RAPGEF2: variants seen among roughly 807,000 people sequenced by gnomAD.
The protein encoded by RAPGEF2 is Rap guanine nucleotide exchange factor 2.
A neutral mutation model predicts 186.7 loss-of-function variants in RAPGEF2; 54 were observed. That is an observed-to-expected ratio of 0.29 (90% CI 0.23 to 0.36). RAPGEF2 has a LOEUF of 0.36. RAPGEF2 is among the 10% of genes least tolerant of loss of function. The pLI, the probability that RAPGEF2 is intolerant of heterozygous loss-of-function variation, is 1.00. For synonymous variants in RAPGEF2, 712 were observed against 705.9 expected, an observed-to-expected ratio of 1.01 and a Z score of -0.14; for missense variants, 1,532 against 2,045.0, an observed-to-expected ratio of 0.75 and a Z score of 4.84.
intron 11 of RAPGEF2, among the ~76,000 whole-genome samples, chr4:159,324,824 A>T (rs760095743): frequency 3.0e-4 from 45 of 152,180 alleles, no homozygotes; most frequent in Non-Finnish European, 1.3e-4. Flanking sequence ...TATTACAGAG[A>T]AATACATTTA....
chr4:159,217,347 C>A (rs1561097483), intron 4 of RAPGEF2, among the ~76,000 whole-genome samples: 2 of 152,118 alleles, frequency 1.3e-5, no homozygotes, highest in Non-Finnish European at 2.9e-5. Flanking sequence ...TTGTAGTCCC[C>A]AGTGTTTGTT....
In RAPGEF2 at chr4:159,188,884, C is replaced by T. The variant is rs542314586; in HGVS notation, c.140+2172C>T. Among the ~76,000 whole-genome samples the T allele has an allele frequency of 5.9e-5, 9 of 152,070 alleles. No homozygotes were observed. The South Asian group carries it at 8.3e-4, about 14-fold the overall frequency. Reference sequence around the variant, plus strand: ...TGTTTGTTGGCATGAACCTACAGGGCGGAGCCTGTGAGATGTTTATCTTAT... The same window carrying T: ...TGTTTGTTGGCATGAACCTACAGGGTGGAGCCTGTGAGATGTTTATCTTAT... On this transcript the variant is annotated intron_variant, in intron 2 of 29. Transcript: ENST00000691494.
At chr4:159,314,481 A>G in intron 8 of RAPGEF2, 110 bp from the exon 9 acceptor site, 2 of 1,041,678 alleles carry the variant, frequency 1.9e-6, no homozygotes, top group South Asian at 2.0e-5. Flanking sequence ...TGTTGGATGG[A>G]AAAATAAATA....
rs1306491404 is a variant in RAPGEF2 at position 159,198,306 on chromosome 4, CTT to C, written c.197+5052_197+5053del. Among the ~76,000 whole-genome samples the C allele has an allele frequency of 5.0e-3, 337 of 67,074 alleles. 19 individuals carry two copies. The highest frequency in any genetic ancestry group is 0.028 in the African/African-American group (215 of 7,666). The allele number at this position is 67,074 out of a possible 152,430, so 44.0% of individuals were successfully genotyped here. A position where few individuals can be genotyped will look rare whatever the true frequency, so the allele number is the denominator to read the frequency against. On this transcript the variant is annotated intron_variant, in intron 3 of 29. Coordinates refer to ENST00000691494, the MANE Select transcript of RAPGEF2 (RefSeq NM_001394067.2). ...TCTTTCTTTCTTTCTTTCTTTCTTT[CTT>C]TCTTTCTTTCTTTCTTTCTTTCTTT...
intron 1 of RAPGEF2, among the ~76,000 whole-genome samples, chr4:159,141,533 T>C (rs986605869): frequency 1.3e-5 from 2 of 152,036 alleles, no homozygotes; most frequent in Non-Finnish European, 2.9e-5. Flanking sequence ...TTTTTGTGAG[T>C]AGATGCATAG....
At position 159,198,400 on chromosome 4, in the gene RAPGEF2, CT is replaced by C. The variant is rs1484017614; in HGVS notation, c.197+5145del. ...CTTTCCTTCCTTCCTTCCTTCCTCT[CT>C]CTTCCTCTCTTCCTCTCTCTCTCTC... On this transcript the variant is annotated intron_variant, in intron 3 of 29. Coordinates refer to ENST00000691494, the MANE Select transcript of RAPGEF2 (RefSeq NM_001394067.2). Among the ~76,000 whole-genome samples, 105 of 107,320 alleles carry C rather than the reference CT, an allele frequency of 9.8e-4. 1 individual carries two copies. Among genetic ancestry groups the C allele is most frequent in the African/African-American group, 1.4e-3 (26 of 18,938 alleles). 70.4% of individuals were successfully genotyped at this position (107,320 alleles called of 152,430 possible).
Position 159,210,693 on chromosome 4 carries a change from GCAAGA to G in RAPGEF2, c.281+113_281+117del, listed in dbSNP as rs1190385999. On this transcript the variant is annotated intron_variant, in intron 4 of 29. Transcript: ENST00000691494. ...CTGTGTTCTCTTCTGCTGATACAAAGCAAGACAGTACTTTGGGGTGTTGATGCATG... is the reference window on the plus strand; with the variant it reads ...CTGTGTTCTCTTCTGCTGATACAAAGCAGTACTTTGGGGTGTTGATGCATG... 1.5e-4 allele frequency: 115 copies of G among 772,216 alleles called. 1 individual carries two copies. The African/African-American group carries it at 1.8e-3, about 12-fold the overall frequency. The allele number at this position is 772,216 out of a possible 1,614,324, so 47.8% of individuals were successfully genotyped here. A position where few individuals can be genotyped will look rare whatever the true frequency, so the allele number is the denominator to read the frequency against.
In RAPGEF2 at chr4:159,341,960, A is replaced by AT. The variant is rs774694162; in HGVS notation, c.2918+19dup. ...TTGCAATCATCAGGTAAGAGAGCAC[A>AT]TTTTTTCTTAAGATTCAGTTCAGTT... On this transcript the variant is annotated intron_variant, in intron 20 of 29. Coordinates refer to ENST00000691494, the MANE Select transcript of RAPGEF2 (RefSeq NM_001394067.2). 1.6e-5 allele frequency: 25 copies of AT among 1,557,580 alleles called. No individual in the cohort carries two copies. Among genetic ancestry groups the AT allele is most frequent in the Non-Finnish European group, 2.0e-5 (23 of 1,156,804 alleles).
chr4:159,140,023 G>C (rs994072322), intron 1 of RAPGEF2, among the ~76,000 whole-genome samples: 1 of 152,168 alleles, frequency 6.6e-6, no homozygotes, highest in Non-Finnish European at 1.5e-5. Context: ...AAGAATGTTA[G>C]ATTTAATGGA....
At chr4:159,283,707 A>G (rs1194984131) in intron 7 of RAPGEF2, among the ~76,000 whole-genome samples, 3 of 152,220 alleles carry the variant, frequency 2.0e-5, no homozygotes, top group Non-Finnish European at 4.4e-5. Context: ...GAAGGATCAA[A>G]CAAGATATTT....
intron 7 of RAPGEF2, chr4:159,267,379 C>A: frequency 8.2e-7 from 1 of 1,226,518 alleles, no homozygotes; most frequent in Non-Finnish European, 1.1e-6. Flanking sequence ...TGTGTGTGTG[C>A]ATGTGCTGTG....
chr4:159,240,581 C>T (rs988762769), intron 5 of RAPGEF2, among the ~76,000 whole-genome samples: 2 of 151,916 alleles, frequency 1.3e-5, no homozygotes, highest in Non-Finnish European at 1.5e-5. Context: ...GATCCACCCG[C>T]CTCGGCCTCC....
chr4:159,209,935 A>G (rs542164795), intron 3 of RAPGEF2, among the ~76,000 whole-genome samples: 1 of 152,356 alleles, frequency 6.6e-6, no homozygotes, highest in African/African-American at 2.4e-5. Flanking sequence ...AAGAATACTC[A>G]AGAAAGCTAT....
At chr4:159,138,335 G>A (rs1741947515) in intron 1 of RAPGEF2, among the ~76,000 whole-genome samples, 1 of 152,154 alleles carries the variant, frequency 6.6e-6, no homozygotes, top group South Asian at 2.1e-4. Flanking sequence ...AAAGTATAAA[G>A]CTCATATTTT....
chr4:159,332,098 C>T (rs1242686309), intron 16 of RAPGEF2, 64 bp downstream of exon 16: 1 of 1,009,460 alleles, frequency 9.9e-7, no homozygotes, highest in Non-Finnish European at 1.5e-6. Flanking sequence ...TTTCAAACAT[C>T]ATAAGAAAGC....
Position 159,352,798 on chromosome 4 carries a change from T to C in RAPGEF2, c.3979T>C (p.Ser1327Pro). The C allele has an allele frequency of 6.2e-7, 1 of 1,614,214 alleles. No individual in the cohort carries two copies. The highest frequency in any genetic ancestry group is 8.5e-7 in the Non-Finnish European group (1 of 1,180,036). Reference sequence around the variant, plus strand: ...TTCGTCTTTTGACTCAGTGCCAGTCTCACTGCACGATGAGAGGCGCCAGAG... The same window carrying C: ...TTCGTCTTTTGACTCAGTGCCAGTCCCACTGCACGATGAGAGGCGCCAGAG... ...SNSSFDSVPVSLHDERRQRHS... is the reference protein window; with the variant it reads ...SNSSFDSVPVPLHDERRQRHS... The change falls in exon 27 of 30, where the codon TCA (serine) becomes CCA (proline). Residue 1327 changes from serine (S) to proline (P), a missense_variant. Physicochemically the swap from Ser to Pro is moderately conservative, Grantham distance 74 (BLOSUM62 -1). This residue lies in a region of RAPGEF2 where 594 missense variants were observed against 608.5 expected (regional missense o/e 0.98). Coordinates refer to ENST00000691494, the MANE Select transcript of RAPGEF2 (RefSeq NM_001394067.2).
At chr4:159,334,410 G>A (rs1767117172) in intron 17 of RAPGEF2, among the ~76,000 whole-genome samples, 2 of 151,836 alleles carry the variant, frequency 1.3e-5, no homozygotes, top group South Asian at 4.2e-4. Context: ...CACCATGCTC[G>A]GCTAATTTTT....
intron 7 of RAPGEF2, among the ~76,000 whole-genome samples, chr4:159,285,020 CAG>C (rs1760273074): frequency 6.6e-6 from 1 of 152,140 alleles, no homozygotes; most frequent in Non-Finnish European, 1.5e-5. Flanking sequence ...TTCTGGGTGA[CAG>C]AGGGAGACCC....
chr4:159,260,073 A>G (rs1216049385), intron 7 of RAPGEF2, among the ~76,000 whole-genome samples: 10 of 152,110 alleles, frequency 6.6e-5, no homozygotes, highest in South Asian at 4.2e-4. Flanking sequence ...TCACGGGTCA[A>G]TGCAGCCTTG....
Sources: gnomAD v4.1 joint callset for allele counts (sites outside exome capture counted in the v4.1 genomes callset) on GRCh38, gnomAD v4.1.1 for gene constraint, gnomAD v4.1.1 regional missense constraint, MANE v1.5 for transcripts, NCBI Gene and HGNC (gene_info 2026-07-23, HGNC 2026-07-21) for gene names.